MAGI1: variants seen among roughly 807,000 people sequenced by gnomAD.
MAGI1 encodes the protein membrane-associated guanylate kinase, WW and PDZ domain-containing protein 1.
MAGI1 carries 58 observed loss-of-function variants against 139.9 expected under a neutral mutation model. That is an observed-to-expected ratio of 0.41 (90% CI 0.34 to 0.52). MAGI1 has a LOEUF of 0.52. Among genes scored for constraint, MAGI1 ranks in the 20% least tolerant of loss-of-function variants. The pLI is 0.12. For synonymous variants in MAGI1, 812 were observed against 737.9 expected, an observed-to-expected ratio of 1.10 and a Z score of -1.63; for missense variants, 1,874 against 1,901.6, an observed-to-expected ratio of 0.99 and a Z score of 0.27.
At chr3:65,882,533 G>A (rs544191950) in intron 1 of MAGI1, among the ~76,000 whole-genome samples, 1 of 152,148 alleles carries the variant, frequency 6.6e-6, no homozygotes, top group South Asian at 2.1e-4. Flanking sequence ...ATCCCATTAA[G>A]ACTAAGGGAG....
rs983937141 is a variant in MAGI1 at position 65,356,546 on chromosome 3, G to A, written c.4221C>T (p.Pro1407=). The A allele has an allele frequency of 1.9e-6, 3 of 1,609,128 alleles. No individual in the cohort carries two copies. Among genetic ancestry groups the A allele is most frequent in the Admixed American group, 1.7e-5 (1 of 59,696 alleles). Residue 1407 remains proline (P), a synonymous_variant, in exon 23 of 23, where the codon CCC becomes CCT. Coordinates refer to ENST00000402939, the MANE Select transcript of MAGI1 (RefSeq NM_001033057.2). ...KSTDRRRARS[P]ERRRERSLDK... ...CCAGGGACCGCTCTCTCCTGCGCTC[G>A]GGGGAGCGTGCGCGCCTCCGGTCGG...
At chr3:65,375,975 A>T (rs754140909) in intron 17 of MAGI1, 30 bp from the exon 18 acceptor site, 4 of 1,562,138 alleles carry the variant, frequency 2.6e-6, no homozygotes, top group East Asian at 4.5e-5. Context: ...TAATTTTTTT[A>T]AAGTTACGTG....
chr3:65,717,722 T>C (rs78935355), intron 1 of MAGI1, among the ~76,000 whole-genome samples: 173 of 152,298 alleles, frequency 1.1e-3, no homozygotes, highest in Non-Finnish European at 2.0e-3. Flanking sequence ...AATCACTTCT[T>C]AGATAGGTCT....
At chr3:65,422,096 G>A (rs1946668182) in intron 12 of MAGI1, among the ~76,000 whole-genome samples, 1 of 152,204 alleles carries the variant, frequency 6.6e-6, no homozygotes, top group Non-Finnish European at 1.5e-5. Context: ...GAACTGTGCT[G>A]CGTAACAGTA....
In MAGI1 at chr3:65,453,296, T is replaced by A. The variant is rs1156562124; in HGVS notation, c.1004A>T (p.Asn335Ile). 5 of 1,613,552 alleles carry A rather than the reference T, an allele frequency of 3.1e-6. No homozygotes were observed. The highest frequency in any genetic ancestry group is 3.4e-6 in the Non-Finnish European group (4 of 1,179,956). The change falls in exon 6 of 23, where the codon AAC becomes ATC. Residue 335 changes from asparagine (N) to isoleucine (I), a missense_variant. Physicochemically the swap from Asn to Ile is moderately radical, Grantham distance 149 (BLOSUM62 -3). This residue lies in a region of MAGI1 where 648 missense variants were observed against 598.1 expected (regional missense o/e 1.08). Coordinates refer to ENST00000402939, the MANE Select transcript of MAGI1 (RefSeq NM_001033057.2). ...TTSWLDPRCL[N>I]KQQKPLEECE... ...CTCTTCCAGTGGCTTCTGCTGCTTG[T>A]TTAGGCACCGAGGGTCTAACCAAGA... is the stretch of plus-strand genomic sequence containing the variant.
chr3:65,996,442 T>TA (rs1396061582), intron 1 of MAGI1, among the ~76,000 whole-genome samples: 1 of 138,626 alleles, frequency 7.2e-6, no homozygotes, highest in Non-Finnish European at 1.5e-5. Flanking sequence ...CACCAAAAAC[T>TA]AAAAAAGAGA....
At chr3:65,692,304 G>A (rs980169340) in intron 1 of MAGI1, among the ~76,000 whole-genome samples, 1 of 152,180 alleles carries the variant, frequency 6.6e-6, no homozygotes, top group Admixed American at 6.5e-5. Context: ...TTGCTTGTCA[G>A]CACACATGAA....
intron 1 of MAGI1, among the ~76,000 whole-genome samples, chr3:65,936,336 A>G (rs2063047677): frequency 6.6e-6 from 1 of 152,186 alleles, no homozygotes; most frequent in African/African-American, 2.4e-5. Flanking sequence ...TCAACTGCAA[A>G]TCAAAAATTC....
intron 1 of MAGI1, among the ~76,000 whole-genome samples, chr3:65,918,077 T>C (rs182444868): frequency 1.1e-4 from 16 of 152,324 alleles, no homozygotes; most frequent in Non-Finnish European, 2.1e-4. Flanking sequence ...TTATTGTGAA[T>C]CTAAAAATGC....
chr3:65,870,125 T>C (rs542878934), intron 1 of MAGI1, among the ~76,000 whole-genome samples: 46 of 152,152 alleles, frequency 3.0e-4, no homozygotes, highest in Non-Finnish European at 6.0e-4. Context: ...ATTTCTATCA[T>C]AGACAGGAGC....
At chr3:65,399,506 C>T (rs1944680132) in intron 13 of MAGI1, among the ~76,000 whole-genome samples, 1 of 152,202 alleles carries the variant, frequency 6.6e-6, no homozygotes, top group African/African-American at 2.4e-5. Flanking sequence ...AACCCTCAAC[C>T]CTGTCCTGGC....
chr3:65,687,484 TC>T, intron 1 of MAGI1: 1 of 381,440 alleles, frequency 2.6e-6, no homozygotes, highest in South Asian at 2.3e-5. Context: ...TGAAGAGCAA[TC>T]AGGACCCAGC....
intron 2 of MAGI1, among the ~76,000 whole-genome samples, chr3:65,570,443 C>T (rs1210455440): frequency 1.3e-5 from 2 of 151,526 alleles, no homozygotes; most frequent in African/African-American, 2.4e-5. Flanking sequence ...GTTTAATCAG[C>T]TCAGATTAAA....
At chr3:65,915,059 T>C (rs545777464) in intron 1 of MAGI1, among the ~76,000 whole-genome samples, 78 of 152,302 alleles carry the variant, frequency 5.1e-4, no homozygotes, top group African/African-American at 1.8e-3. Context: ...GAACAACTCA[T>C]TCAAGGACAA....
chr3:66,001,481 A>T (rs1248331654), intron 1 of MAGI1, among the ~76,000 whole-genome samples: 1 of 152,180 alleles, frequency 6.6e-6, no homozygotes, highest in African/African-American at 2.4e-5. Context: ...GCCTCACAGG[A>T]CTCAATAAAA....
At chr3:65,964,526 T>C (rs1458216151) in intron 1 of MAGI1, among the ~76,000 whole-genome samples, 2 of 145,024 alleles carry the variant, frequency 1.4e-5, no homozygotes, top group African/African-American at 5.1e-5. Context: ...TTGGGGGTAG[T>C]GCGGGGGCGG....
intron 1 of MAGI1, among the ~76,000 whole-genome samples, chr3:65,945,541 T>C (rs2063509754): frequency 6.6e-6 from 1 of 152,140 alleles, no homozygotes; most frequent in Non-Finnish European, 1.5e-5. Flanking sequence ...GAAAAACTAA[T>C]TTAGGAGTAT....
chr3:65,631,433 A>G (rs2084296495), intron 1 of MAGI1, among the ~76,000 whole-genome samples: 1 of 152,192 alleles, frequency 6.6e-6, no homozygotes, highest in Non-Finnish European at 1.5e-5. Context: ...GCTACGTAGT[A>G]TTTTATCTCA....
At chr3:65,667,659 C>A (rs1451235534) in intron 1 of MAGI1, among the ~76,000 whole-genome samples, 1 of 152,146 alleles carries the variant, frequency 6.6e-6, no homozygotes, top group Non-Finnish European at 1.5e-5. Flanking sequence ...GCAGCCTCAA[C>A]CTCCTGGGCT....
Sources: gnomAD v4.1 joint callset for allele counts (sites outside exome capture counted in the v4.1 genomes callset) on GRCh38, gnomAD v4.1.1 for gene constraint, gnomAD v4.1.1 regional missense constraint, MANE v1.5 for transcripts, NCBI Gene and HGNC (gene_info 2026-07-23, HGNC 2026-07-21) for gene names.